The following SMYD3 variants were observed in gnomAD, a reference collection of about 807,000 sequenced individuals.
The protein encoded by SMYD3 is histone-lysine N-methyltransferase SMYD3.
In SMYD3, 36 loss-of-function variants were observed where a neutral mutation model predicts 57.7. The observed-to-expected ratio is 0.62, with a 90% CI of 0.48 to 0.82. The LOEUF is 0.82. Among genes scored for constraint, SMYD3 ranks in the 40% least tolerant of loss-of-function variants. The probability of loss-of-function intolerance (pLI) is 0.00; values close to 1 mark genes in which losing one functional copy is unlikely to be tolerated. For synonymous variants in SMYD3, 211 were observed against 195.0 expected (o/e 1.08, Z -0.68); for missense variants, 515 against 538.8 (o/e 0.96, Z 0.44).
At chr1:246,021,234 A>G (rs763267493) in intron 5 of SMYD3, among the ~76,000 whole-genome samples, 4 of 152,208 alleles carry the variant, frequency 2.6e-5, no homozygotes, top group Non-Finnish European at 5.9e-5. Flanking sequence ...TGCTGTCACC[A>G]AACAGCAAAG....
chr1:246,252,781 T>C (rs1275290723), intron 5 of SMYD3, among the ~76,000 whole-genome samples: 4 of 152,198 alleles, frequency 2.6e-5, no homozygotes, highest in Non-Finnish European at 5.9e-5. Flanking sequence ...TCTGAAATAG[T>C]TATATTCACA....
At chr1:246,206,471 T>C (rs943158495) in intron 5 of SMYD3, among the ~76,000 whole-genome samples, 2 of 152,104 alleles carry the variant, frequency 1.3e-5, no homozygotes, top group Non-Finnish European at 2.9e-5. Flanking sequence ...TAGGGTCATA[T>C]GGAATGTTCT....
chr1:245,799,957 T>C (rs2047773497), intron 10 of SMYD3, among the ~76,000 whole-genome samples: 1 of 152,218 alleles, frequency 6.6e-6, no homozygotes. Context: ...GTGCAAACAG[T>C]TGGCATCACT....
intron 8 of SMYD3, among the ~76,000 whole-genome samples, chr1:245,865,665 G>T (rs1340170448): frequency 2.0e-5 from 3 of 152,192 alleles, no homozygotes; most frequent in African/African-American, 7.2e-5. Flanking sequence ...GCACTAACAG[G>T]TAGCCACCAG....
At chr1:246,489,843 T>C (rs542533244) in intron 1 of SMYD3, among the ~76,000 whole-genome samples, 1 of 152,288 alleles carries the variant, frequency 6.6e-6, no homozygotes, top group South Asian at 2.1e-4. Flanking sequence ...TTGAAGTCTT[T>C]ATTTTTTTTG....
At chr1:245,858,390 G>A (rs2051362585) in intron 10 of SMYD3, 106 bp downstream of exon 10, 2 of 1,158,400 alleles carry the variant, frequency 1.7e-6, no homozygotes, top group African/African-American at 1.6e-5. Flanking sequence ...GAAGCAGCTG[G>A]AAATGCTCCA....
At chr1:246,465,844 C>T (rs184114079) in intron 1 of SMYD3, among the ~76,000 whole-genome samples, 23 of 152,338 alleles carry the variant, frequency 1.5e-4, no homozygotes, top group Admixed American at 6.5e-4. Context: ...ACAATCTCAG[C>T]TCACTGCAAC....
chr1:246,327,347 AGAG>A lies in SMYD3; in HGVS notation c.395-13_395-11del, dbSNP rs2065373372. ...GTCAGTTTGTTAATATCTTTTTTAA[AGAG>A]AAAATAAATAGCACAATCTCAAAGT... On this transcript the variant is annotated splice_polypyrimidine_tract_variant and intron_variant, in intron 4 of 11. Transcript: ENST00000490107. The A allele has an allele frequency of 6.2e-7, 1 of 1,605,216 alleles. No individual in the cohort carries two copies. The highest frequency in any genetic ancestry group is 1.3e-5 in the African/African-American group (1 of 74,206).
rs1156393004 is a variant in SMYD3, at chr1:246,481,607, T to TATATATATATATATACAC, written c.164+25446_164+25447insGTGTATATATATATATAT. 2.3e-4 allele frequency among the ~76,000 whole-genome samples: 14 copies of TATATATATATATATACAC among 61,814 alleles called. 1 individual carries two copies. Among genetic ancestry groups the TATATATATATATATACAC allele is most frequent in the Admixed American group, 7.0e-4 (3 of 4,256 alleles). 40.6% of individuals were successfully genotyped at this position (61,814 alleles called of 152,430 possible). ...TTCTCAGGCTCCATATATATATATA[T>TATATATATATATATACAC]ACACATACATATATACATACATACA... On this transcript the variant is annotated intron_variant, in intron 1 of 11. Coordinates refer to ENST00000490107, the MANE Select transcript of SMYD3 (RefSeq NM_001167740.2).
At chr1:246,444,683 T>A (rs74785051) in intron 1 of SMYD3, among the ~76,000 whole-genome samples, 40 of 152,258 alleles carry the variant, frequency 2.6e-4, no homozygotes, top group African/African-American at 8.7e-4. Flanking sequence ...TATTTTTGCA[T>A]GCAAAATTCC....
chr1:246,343,668 T>C (rs1166953330), intron 2 of SMYD3, among the ~76,000 whole-genome samples: 1 of 152,232 alleles, frequency 6.6e-6, no homozygotes, highest in East Asian at 1.9e-4. Context: ...TCTCTACTTT[T>C]GGCTTGATTG....
intron 5 of SMYD3, among the ~76,000 whole-genome samples, chr1:246,124,964 G>C (rs901095164): frequency 5.9e-5 from 9 of 151,956 alleles, no homozygotes; most frequent in East Asian, 3.9e-4. Context: ...CCCAGCTACT[G>C]GGAAGGCTGA....
At chr1:246,105,745 G>C (rs979015924) in intron 5 of SMYD3, among the ~76,000 whole-genome samples, 1 of 152,156 alleles carries the variant, frequency 6.6e-6, no homozygotes, top group African/African-American at 2.4e-5. Flanking sequence ...ACAGAGAAAA[G>C]AAATGCCCGA....
At chr1:245,854,544 TC>T (rs1462854852) in intron 10 of SMYD3, among the ~76,000 whole-genome samples, 2 of 152,186 alleles carry the variant, frequency 1.3e-5, no homozygotes, top group South Asian at 2.1e-4. Context: ...GTCTACACTC[TC>T]TTGTAAAGTG....
intron 5 of SMYD3, among the ~76,000 whole-genome samples, chr1:246,076,313 T>G (rs909838918): frequency 2.6e-5 from 4 of 152,228 alleles, no homozygotes; most frequent in African/African-American, 9.6e-5. Flanking sequence ...GAGCTGGAAC[T>G]TCATTTCCTA....
At chr1:246,029,676 A>G (rs1488561285) in intron 5 of SMYD3, among the ~76,000 whole-genome samples, 6 of 127,290 alleles carry the variant, frequency 4.7e-5, no homozygotes, top group African/African-American at 9.4e-5. Flanking sequence ...TGTCTCAGAA[A>G]AAAAAAAAAA....
At chr1:246,098,627 T>G (rs1034727655) in intron 5 of SMYD3, among the ~76,000 whole-genome samples, 1 of 152,340 alleles carries the variant, frequency 6.6e-6, no homozygotes, top group African/African-American at 2.4e-5. Context: ...GTGACACACT[T>G]TATCTATACT....
chr1:246,436,553 C>T (rs2067376300), intron 1 of SMYD3, among the ~76,000 whole-genome samples: 1 of 152,214 alleles, frequency 6.6e-6, no homozygotes, highest in Non-Finnish European at 1.5e-5. Flanking sequence ...CTAGTCTCCT[C>T]CGATCTGTCA....
intron 5 of SMYD3, among the ~76,000 whole-genome samples, chr1:246,323,789 T>A (rs1012115065): frequency 2.0e-5 from 3 of 152,006 alleles, no homozygotes; most frequent in Admixed American, 6.6e-5. Context: ...TAAATAAAAG[T>A]CTGCTGTACT....
Sources: gnomAD v4.1 joint callset for allele counts (sites outside exome capture counted in the v4.1 genomes callset) on GRCh38, gnomAD v4.1.1 for gene constraint, MANE v1.5 for transcripts, NCBI Gene and HGNC (gene_info 2026-07-23, HGNC 2026-07-21) for gene names.